PPARGC1A: variants seen among roughly 807,000 people sequenced by gnomAD.
The protein encoded by PPARGC1A is peroxisome proliferator-activated receptor gamma coactivator 1-alpha.
In PPARGC1A, 25 loss-of-function variants were observed where a neutral mutation model predicts 88.7. The ratio of observed to expected loss-of-function variants is 0.28; its 90% CI spans 0.21 to 0.39. The LOEUF is 0.39. Among genes scored for constraint, PPARGC1A ranks in the 10% least tolerant of loss-of-function variants. PPARGC1A has a pLI of 1.00. For missense variants in PPARGC1A, 880 were observed against 968.7 expected, an observed-to-expected ratio of 0.91 and a Z score of 1.22; for synonymous variants, 363 against 355.6, an observed-to-expected ratio of 1.02 and a Z score of -0.24.
chr4:24,454,388 A>G, the PPARGC1A span, among the ~76,000 whole-genome samples: 2 of 151,866 alleles, frequency 1.3e-5, no homozygotes, highest in African/African-American at 4.8e-5. Context: ...TGGGATAAAT[A>G]TTGTTTCCTT....
the PPARGC1A span, among the ~76,000 whole-genome samples, chr4:24,067,579 G>A: frequency 5.9e-5 from 9 of 152,314 alleles, no homozygotes; most frequent in Non-Finnish European, 1.2e-4. Context: ...TGCAAGCATC[G>A]CACGTGGCCA....
At chr4:24,411,561 T>C in the PPARGC1A span, among the ~76,000 whole-genome samples, 1 of 152,314 alleles carries the variant, frequency 6.6e-6, no homozygotes, top group South Asian at 2.1e-4. Flanking sequence ...GGTTCACGGT[T>C]GCTATTACAC....
chr4:23,881,083 A>G (rs768340852), intron 2 of PPARGC1A: 6 of 152,212 alleles, frequency 3.9e-5, no homozygotes, highest in Non-Finnish European at 5.9e-5. Flanking sequence ...ATCTTTACAG[A>G]CTGCTGTGCT....
At chr4:24,100,676 T>C in the PPARGC1A span, among the ~76,000 whole-genome samples, 7 of 152,168 alleles carry the variant, frequency 4.6e-5, no homozygotes, top group African/African-American at 1.7e-4. Flanking sequence ...GAGTGATGAA[T>C]AATCTTTACC....
At chr4:23,980,280 C>T in the PPARGC1A span, among the ~76,000 whole-genome samples, 1 of 150,310 alleles carries the variant, frequency 6.7e-6, no homozygotes, top group African/African-American at 2.4e-5. Flanking sequence ...TCTGCTCAAA[C>T]ATCTTCAGTA....
rs1720698490 is a variant in PPARGC1A at position 23,810,509 on chromosome 4, TA to T, written c.2019+2237del. ...TCTAGACCAATGACACTACTTGCTC[TA>T]TCTGTAAAGGGCCGAACTAGCAACA... On this transcript the variant is annotated intron_variant, in intron 10 of 12. Coordinates refer to ENST00000264867, the MANE Select transcript of PPARGC1A (RefSeq NM_013261.5). Among the ~76,000 whole-genome samples the T allele has an allele frequency of 2.0e-5, 3 of 152,214 alleles. No individual in the cohort carries two copies. In the South Asian group the frequency reaches 6.2e-4, roughly 32 times the overall value.
chr4:23,990,880 T>C, the PPARGC1A span, among the ~76,000 whole-genome samples: 1 of 151,946 alleles, frequency 6.6e-6, no homozygotes, highest in African/African-American at 2.4e-5. Flanking sequence ...AAGATTCCTC[T>C]CCCTCTGATA....
chr4:23,912,151 G>A, the PPARGC1A span, among the ~76,000 whole-genome samples: 1 of 152,112 alleles, frequency 6.6e-6, no homozygotes, highest in Non-Finnish European at 1.5e-5. Flanking sequence ...TCAAGAGTAG[G>A]TTCTAGAAAA....
intron 7 of PPARGC1A, among the ~76,000 whole-genome samples, chr4:23,820,049 A>C (rs1015410493): frequency 6.6e-6 from 1 of 152,158 alleles, no homozygotes; most frequent in African/African-American, 2.4e-5. Flanking sequence ...TTAAATTGAG[A>C]GTCCACAAAG....
chr4:23,916,543 T>C, the PPARGC1A span, among the ~76,000 whole-genome samples: 15 of 152,160 alleles, frequency 9.9e-5, no homozygotes, highest in African/African-American at 3.4e-4. Flanking sequence ...ATGCACACGA[T>C]ATACTGCTCT....
chr4:24,197,477 A>G, the PPARGC1A span, among the ~76,000 whole-genome samples: 2 of 152,302 alleles, frequency 1.3e-5, no homozygotes, highest in East Asian at 1.9e-4. Context: ...TCCTTCCTCC[A>G]GGTCCCACCT....
At chr4:24,234,104 G>A in the PPARGC1A span, among the ~76,000 whole-genome samples, 2 of 152,182 alleles carry the variant, frequency 1.3e-5, no homozygotes, top group African/African-American at 4.8e-5. Flanking sequence ...TAATTAGCCC[G>A]TGTTGTAATT....
chr4:23,904,958 G>T (rs1186749079), upstream of PPARGC1A, among the ~76,000 whole-genome samples: 4 of 152,142 alleles, frequency 2.6e-5, no homozygotes, highest in South Asian at 4.1e-4. Context: ...CACAAATCTT[G>T]TTCCCTGGCA....
the PPARGC1A span, among the ~76,000 whole-genome samples, chr4:24,194,018 A>C: frequency 6.6e-6 from 1 of 151,836 alleles, no homozygotes; most frequent in Non-Finnish European, 1.5e-5. Flanking sequence ...AATCCCAGCT[A>C]CTCAGGAGGC....
chr4:24,163,143 G>C, the PPARGC1A span, among the ~76,000 whole-genome samples: 1 of 147,644 alleles, frequency 6.8e-6, no homozygotes, highest in African/African-American at 2.6e-5. Flanking sequence ...TGATTTGAAT[G>C]CTCCCCAAGC....
intron 1 of PPARGC1A, chr4:23,889,082 A>G (rs952431447): frequency 1.0e-5 from 10 of 985,142 alleles, no homozygotes; most frequent in Non-Finnish European, 1.2e-5. Context: ...TGCTTGCGTT[A>G]TTTTCCCCCC....
the PPARGC1A span, among the ~76,000 whole-genome samples, chr4:23,969,439 GC>G: frequency 6.6e-6 from 1 of 152,082 alleles, no homozygotes; most frequent in South Asian, 2.1e-4. Context: ...ACCTACCTAG[GC>G]CAATTCTATA....
At chr4:23,796,883 C>T (rs1717707189) in intron 12 of PPARGC1A, among the ~76,000 whole-genome samples, 1 of 151,650 alleles carries the variant, frequency 6.6e-6, no homozygotes, top group African/African-American at 2.4e-5. Context: ...ATGCTTTTTC[C>T]CAGAGTAAAT....
the PPARGC1A span, among the ~76,000 whole-genome samples, chr4:23,926,485 C>T: frequency 6.6e-6 from 1 of 152,168 alleles, no homozygotes; most frequent in South Asian, 2.1e-4. Flanking sequence ...CTGGCTACAT[C>T]CTACCTTAGT....
Sources: allele counts gnomAD v4.1 joint callset (sites outside exome capture counted in the v4.1 genomes callset), GRCh38; gene constraint gnomAD v4.1.1; transcripts MANE v1.5; gene names NCBI Gene and HGNC (gene_info 2026-07-23, HGNC 2026-07-21).